ROBO2: variants seen among roughly 807,000 people sequenced by gnomAD.
ROBO2 encodes roundabout homolog 2.
ROBO2 carries 53 observed loss-of-function variants against 160.8 expected under a neutral mutation model. The ratio of observed to expected loss-of-function variants is 0.33; its 90% CI spans 0.26 to 0.41. The LOEUF is 0.41. Among genes scored for constraint, ROBO2 ranks in the 10% least tolerant of loss-of-function variants. The pLI, the probability that ROBO2 is intolerant of heterozygous loss-of-function variation, is 1.00. For missense variants in ROBO2, 1,577 were observed against 1,722.4 expected (o/e 0.92, Z 1.49); for synonymous variants, 664 against 611.7 (o/e 1.09, Z -1.26).
At chr3:76,116,892 G>T (rs1559564121) in intron 2 of ROBO2, among the ~76,000 whole-genome samples, 1 of 152,070 alleles carries the variant, frequency 6.6e-6, no homozygotes, top group Admixed American at 6.6e-5. Context: ...CTTGCAATGT[G>T]AAATGTTTTC....
chr3:76,771,333 CT>C (rs2061894444), intron 2 of ROBO2, among the ~76,000 whole-genome samples: 1 of 151,228 alleles, frequency 6.6e-6, no homozygotes, highest in South Asian at 2.1e-4. Context: ...TTCACCTGTT[CT>C]TTTTTGTCCT....
chr3:77,312,405 A>G (rs527316397), intron 2 of ROBO2, among the ~76,000 whole-genome samples: 1 of 152,304 alleles, frequency 6.6e-6, no homozygotes, highest in Admixed American at 6.5e-5. Flanking sequence ...TTATGAAGCC[A>G]GTTTTAGAAG....
At chr3:76,555,425 G>A (rs376235957) in intron 2 of ROBO2, among the ~76,000 whole-genome samples, 3,103 of 67,202 alleles carry the variant, frequency 0.046, 238 homozygotes, top group East Asian at 0.068. Flanking sequence ...AAGAAAGAAG[G>A]AGAAGGGGAA....
chr3:76,961,247 GAAAAAAA>G (rs371889909), intron 2 of ROBO2, among the ~76,000 whole-genome samples: 2 of 54,448 alleles, frequency 3.7e-5, no homozygotes, highest in Non-Finnish European at 8.5e-5. Context: ...GTGCCACAGA[GAAAAAAA>G]AAAAAAAAAA....
At chr3:76,036,156 C>T (rs2067098818) in intron 2 of ROBO2, among the ~76,000 whole-genome samples, 1 of 151,838 alleles carries the variant, frequency 6.6e-6, no homozygotes, top group Admixed American at 6.6e-5. Context: ...GAAATTGGCT[C>T]ACTTTTTTTT....
At chr3:76,397,339 A>T (rs879654162) in intron 2 of ROBO2, among the ~76,000 whole-genome samples, 2 of 152,198 alleles carry the variant, frequency 1.3e-5, no homozygotes, top group Non-Finnish European at 1.5e-5. Context: ...TGGAATAAAG[A>T]CTTAAACGTT....
At chr3:76,977,256 A>G (rs1249325395) in intron 2 of ROBO2, among the ~76,000 whole-genome samples, 1 of 152,174 alleles carries the variant, frequency 6.6e-6, no homozygotes, top group East Asian at 1.9e-4. Flanking sequence ...TATGAACTGC[A>G]TTATAACAAA....
intron 2 of ROBO2, among the ~76,000 whole-genome samples, chr3:76,616,678 G>C (rs1052269377): frequency 4.9e-4 from 75 of 152,126 alleles, no homozygotes; most frequent in Admixed American, 4.1e-3. Flanking sequence ...TCCAAACAAA[G>C]ATATGTAATA....
intron 2 of ROBO2, among the ~76,000 whole-genome samples, chr3:76,824,471 T>C (rs1264423941): frequency 6.6e-6 from 1 of 152,216 alleles, no homozygotes; most frequent in Admixed American, 6.5e-5. Flanking sequence ...GTTTCTTTTC[T>C]TTCACATCTT....
chr3:77,559,287 A>G (rs1273110560), intron 9 of ROBO2, among the ~76,000 whole-genome samples: 1 of 152,146 alleles, frequency 6.6e-6, no homozygotes, highest in Non-Finnish European at 1.5e-5. Flanking sequence ...GGATTACACA[A>G]GATACAAATA....
chr3:77,553,225 A>G (rs1218179030), intron 8 of ROBO2, among the ~76,000 whole-genome samples: 1 of 151,910 alleles, frequency 6.6e-6, no homozygotes, highest in Non-Finnish European at 1.5e-5. Context: ...GTGATCTTTG[A>G]TACTACTATA....
chr3:76,217,028 A>G (rs1373652593), intron 2 of ROBO2, among the ~76,000 whole-genome samples: 2 of 152,332 alleles, frequency 1.3e-5, no homozygotes, highest in South Asian at 2.1e-4. Context: ...GCTCAACTAC[A>G]TGGAAACTGA....
chr3:76,918,608 G>A (rs1371023339), intron 2 of ROBO2, among the ~76,000 whole-genome samples: 2 of 152,140 alleles, frequency 1.3e-5, no homozygotes, highest in Non-Finnish European at 2.9e-5. Context: ...ATGATTTCTT[G>A]ATTGATCATG....
At position 76,475,545 on chromosome 3, in the gene ROBO2, C is replaced by T. The variant is rs528896709; in HGVS notation, c.109+537943C>T. 3.4e-4 allele frequency among the ~76,000 whole-genome samples: 51 copies of T among 151,642 alleles called. 1 individual carries two copies. The highest frequency in any genetic ancestry group is 1.2e-3 in the African/African-American group (50 of 41,300). ...GGAACCTTTTGTATTAAATATATTT[C>T]CTCATTAAAAAAAATTTCAACTAGA... On this transcript the variant is annotated intron_variant, in intron 2 of 26. Coordinates refer to the ROBO2 transcript ENST00000487694.
At chr3:75,995,281 C>G (rs536070160) in intron 2 of ROBO2, among the ~76,000 whole-genome samples, 1 of 152,254 alleles carries the variant, frequency 6.6e-6, no homozygotes, top group South Asian at 2.1e-4. Flanking sequence ...GGACCAGGTC[C>G]AGGACCTTGC....
chr3:76,082,903 G>A (rs995246511), intron 2 of ROBO2, among the ~76,000 whole-genome samples: 10 of 151,792 alleles, frequency 6.6e-5, no homozygotes, highest in South Asian at 6.2e-4. Context: ...ATGAAGACCC[G>A]GACCAAGGCG....
intron 2 of ROBO2, among the ~76,000 whole-genome samples, chr3:76,667,031 A>G (rs2092077186): frequency 6.6e-6 from 1 of 152,100 alleles, no homozygotes; most frequent in African/African-American, 2.4e-5. Context: ...TCATTTGCAT[A>G]TGTTGGACAG....
chr3:76,223,576 G>A (rs944984281), intron 2 of ROBO2, among the ~76,000 whole-genome samples: 1 of 152,122 alleles, frequency 6.6e-6, no homozygotes. Context: ...ATAGGTTTCA[G>A]TTTTTCCCCA....
intron 2 of ROBO2, among the ~76,000 whole-genome samples, chr3:75,979,260 G>T (rs1364480897): frequency 1.3e-5 from 2 of 151,570 alleles, no homozygotes; most frequent in African/African-American, 4.8e-5. Context: ...ACTGGTGAGG[G>T]ATAAAGGGAT....
Sources: allele counts gnomAD v4.1 joint callset (sites outside exome capture counted in the v4.1 genomes callset), GRCh38; gene constraint gnomAD v4.1.1; transcripts MANE v1.5; gene names NCBI Gene and HGNC (gene_info 2026-07-23, HGNC 2026-07-21).